The following CDH13 variants were observed in gnomAD, a reference collection of about 807,000 sequenced individuals.
CDH13 encodes cadherin 13, also known as cadherin-13.
CDH13 carries 24 observed loss-of-function variants against 63.8 expected under a neutral mutation model. The observed-to-expected ratio is 0.38, with a 90% CI of 0.27 to 0.53. The LOEUF is 0.53. CDH13 is among the 20% of genes least tolerant of loss of function. CDH13 has a pLI of 0.85. For synonymous variants in CDH13, 503 were observed against 355.3 expected, an observed-to-expected ratio of 1.42 and a Z score of -4.67; for missense variants, 1,049 against 903.1, an observed-to-expected ratio of 1.16 and a Z score of -2.07.
chr16:83,465,548 A>C (rs771650689), intron 6 of CDH13, among the ~76,000 whole-genome samples: 20 of 152,226 alleles, frequency 1.3e-4, no homozygotes, highest in Non-Finnish European at 2.5e-4. Context: ...TAAAGATTCA[A>C]GTCAATGGAA....
chr16:83,072,682 G>C (rs2032525174), intron 3 of CDH13, among the ~76,000 whole-genome samples: 1 of 152,098 alleles, frequency 6.6e-6, no homozygotes, highest in Non-Finnish European at 1.5e-5. Context: ...CTCCAAGCTT[G>C]ATCTGTGCAT....
intron 1 of CDH13, among the ~76,000 whole-genome samples, chr16:82,852,255 T>C (rs1393079002): frequency 1.3e-5 from 2 of 152,236 alleles, no homozygotes; most frequent in Admixed American, 6.5e-5. Context: ...CAAAGACTTT[T>C]CTGCCCTTGT....
chr16:83,543,526 C>T (rs1284134168), intron 7 of CDH13, among the ~76,000 whole-genome samples: 2 of 152,204 alleles, frequency 1.3e-5, no homozygotes, highest in Admixed American at 1.3e-4. Flanking sequence ...GTGATCTACT[C>T]CAGTAAAGGA....
chr16:83,406,746 G>A (rs2092054323), intron 6 of CDH13, among the ~76,000 whole-genome samples: 1 of 152,158 alleles, frequency 6.6e-6, no homozygotes, highest in South Asian at 2.1e-4. Context: ...GATTACAGGT[G>A]TGAGCTACCA....
chr16:83,082,012 C>G (rs913764657), intron 3 of CDH13, among the ~76,000 whole-genome samples: 1 of 152,070 alleles, frequency 6.6e-6, no homozygotes, highest in East Asian at 1.9e-4. Flanking sequence ...GTTGGTCAGG[C>G]TGGTCTCGAA....
At chr16:83,453,446 G>A (rs2072936969) in intron 6 of CDH13, among the ~76,000 whole-genome samples, 1 of 152,180 alleles carries the variant, frequency 6.6e-6, no homozygotes, top group Non-Finnish European at 1.5e-5. Context: ...ACACAGGATT[G>A]TTGAAAGAAA....
intron 4 of CDH13, among the ~76,000 whole-genome samples, chr16:83,195,511 G>A (rs1035437988): frequency 2.6e-5 from 4 of 152,046 alleles, no homozygotes; most frequent in Non-Finnish European, 5.9e-5. Context: ...AGAGATGGGG[G>A]AGGTGCTATA....
chr16:82,953,510 G>A (rs1290023260), intron 2 of CDH13: 2 of 152,172 alleles, frequency 1.3e-5, no homozygotes, highest in African/African-American at 4.8e-5. Flanking sequence ...ACATCAAGAT[G>A]TTTTGCTTTT....
At chr16:82,835,565 C>G (rs1383190219) in intron 1 of CDH13, among the ~76,000 whole-genome samples, 3 of 152,184 alleles carry the variant, frequency 2.0e-5, no homozygotes, top group Admixed American at 1.3e-4. Flanking sequence ...CTTGCTCAAT[C>G]ATTTCCAATT....
intron 8 of CDH13, among the ~76,000 whole-genome samples, chr16:83,609,632 A>T (rs552906354): frequency 6.6e-6 from 1 of 152,336 alleles, no homozygotes; most frequent in African/African-American, 2.4e-5. Flanking sequence ...TTGAGGCAGA[A>T]TGATGTCAGG....
At chr16:82,786,332 A>T (rs993544079) in intron 1 of CDH13, among the ~76,000 whole-genome samples, 1 of 152,170 alleles carries the variant, frequency 6.6e-6, no homozygotes, top group Non-Finnish European at 1.5e-5. Context: ...TTATGGGACA[A>T]AATGGACACT....
rs573214576 is a variant in CDH13, at chr16:83,756,699, A to C, written c.1681+8449A>C. On this transcript the variant is annotated intron_variant, in intron 11 of 13. Transcript: ENST00000567109. Reference sequence around the variant, plus strand: ...ACAAGAAACATGACAAGAGGTAAAGAGGCCATTTCATAATGATGAAGGGAG... The same window carrying C: ...ACAAGAAACATGACAAGAGGTAAAGCGGCCATTTCATAATGATGAAGGGAG... Among the ~76,000 whole-genome samples, 31 of 152,368 alleles carry C rather than the reference A, an allele frequency of 2.0e-4. No individual in the cohort carries two copies. The South Asian group carries it at 6.4e-3, about 32-fold the overall frequency.
At chr16:83,666,533 C>T (rs995237875) in intron 8 of CDH13, among the ~76,000 whole-genome samples, 2 of 152,238 alleles carry the variant, frequency 1.3e-5, no homozygotes, top group Non-Finnish European at 2.9e-5. Context: ...ATCCCAAATG[C>T]CTTCCCATGG....
chr16:83,420,646 A>G (rs2071688061), intron 6 of CDH13, among the ~76,000 whole-genome samples: 1 of 152,216 alleles, frequency 6.6e-6, no homozygotes. Flanking sequence ...ATATAAAAGG[A>G]TATTTATCAG....
At chr16:83,667,601 A>G (rs1914114160) in intron 8 of CDH13, among the ~76,000 whole-genome samples, 2 of 152,258 alleles carry the variant, frequency 1.3e-5, no homozygotes, top group South Asian at 4.2e-4. Flanking sequence ...CCTAAAATCG[A>G]AAGAAATAAA....
At chr16:83,734,348 G>A (rs942758588) in intron 10 of CDH13, among the ~76,000 whole-genome samples, 1 of 152,164 alleles carries the variant, frequency 6.6e-6, no homozygotes, top group African/African-American at 2.4e-5. Flanking sequence ...TGCTGCTGCA[G>A]CCAAGGAAAT....
At chr16:82,681,530 G>T (rs571714065) in intron 1 of CDH13, among the ~76,000 whole-genome samples, 62 of 152,310 alleles carry the variant, frequency 4.1e-4, no homozygotes, top group African/African-American at 1.5e-3. Flanking sequence ...AAATGAGAAA[G>T]AATTTTTCTC....
chr16:83,405,888 A>G (rs1301453186), intron 6 of CDH13, among the ~76,000 whole-genome samples: 1 of 152,202 alleles, frequency 6.6e-6, no homozygotes, highest in African/African-American at 2.4e-5. Context: ...TTAGTTAAAA[A>G]TAAAAAAGGA....
intron 1 of CDH13, among the ~76,000 whole-genome samples, chr16:82,817,205 C>A (rs1354133420): frequency 6.6e-6 from 1 of 152,050 alleles, no homozygotes; most frequent in East Asian, 1.9e-4. Flanking sequence ...TTTTTCTGAC[C>A]ATGTCTCTGG....
Sources: gnomAD v4.1 joint callset for allele counts (sites outside exome capture counted in the v4.1 genomes callset) on GRCh38, gnomAD v4.1.1 for gene constraint, MANE v1.5 for transcripts, NCBI Gene and HGNC (gene_info 2026-07-23, HGNC 2026-07-21) for gene names.